The following KANSL1L variants were observed in gnomAD, a reference collection of about 807,000 sequenced individuals.
The protein encoded by KANSL1L is KAT8 regulatory NSL complex subunit 1-like protein.
KANSL1L carries 25 observed loss-of-function variants against 108.6 expected under a neutral mutation model. The observed-to-expected ratio is 0.23, with a 90% CI of 0.17 to 0.32. The LOEUF is 0.32. KANSL1L is among the 10% of genes least tolerant of loss of function. The pLI is 1.00. For missense variants in KANSL1L, 1,137 were observed against 1,125.7 expected (o/e 1.01, Z -0.14); for synonymous variants, 405 against 395.1 (o/e 1.03, Z -0.30).
chr2:210,161,011 C>T (rs1218439908), intron 1 of KANSL1L, among the ~76,000 whole-genome samples: 4 of 134,572 alleles, frequency 3.0e-5, no homozygotes, highest in East Asian at 2.1e-4. Context: ...TTTTTTGAGA[C>T]GGAGTTTCAC....
At position 210,104,209 on chromosome 2, in the gene KANSL1L, T is replaced by G; in HGVS notation, c.1323A>C (p.Leu441=). The G allele has an allele frequency of 6.2e-7, 1 of 1,613,114 alleles. No individual in the cohort carries two copies. The highest frequency in any genetic ancestry group is 8.5e-7 in the Non-Finnish European group (1 of 1,179,108). Residue 441 remains leucine, a synonymous_variant, in exon 4 of 15, where the codon CTA becomes CTC. Coordinates refer to ENST00000281772, the MANE Select transcript of KANSL1L (RefSeq NM_152519.4). The part of the protein sequence containing the change: ...FADQAASLNI[L]GNPQVPQECQ... ...ACTCCTGGGGAACCTGAGGATTCCC[T>G]AGAATGTTTAGTGAAGCTGCTTGGT...
chr2:210,033,599 G>A (rs887228396), intron 8 of KANSL1L, among the ~76,000 whole-genome samples: 5 of 151,872 alleles, frequency 3.3e-5, no homozygotes, highest in African/African-American at 1.2e-4. Flanking sequence ...GCGCGATCTC[G>A]GCTCACTGCA....
intron 8 of KANSL1L, among the ~76,000 whole-genome samples, chr2:210,035,777 C>T (rs1378466646): frequency 1.3e-5 from 2 of 152,166 alleles, no homozygotes; most frequent in South Asian, 4.1e-4. Flanking sequence ...CTGTGCCTGG[C>T]CTTATTTATA....
At chr2:210,027,251 T>C in intron 12 of KANSL1L, 45 bp downstream of exon 12, 1 of 1,272,162 alleles carries the variant, frequency 7.9e-7, no homozygotes, top group Non-Finnish European at 1.2e-6. Flanking sequence ...GCAGGTTTCA[T>C]AATACATAAT....
intron 3 of KANSL1L, among the ~76,000 whole-genome samples, chr2:210,109,683 G>A (rs2125455192): frequency 6.6e-6 from 1 of 152,062 alleles, no homozygotes; most frequent in Middle Eastern, 3.4e-3. Flanking sequence ...CTAGGTGTAT[G>A]GCTTAATTAG....
At chr2:210,138,825 G>A (rs1462886489) in intron 2 of KANSL1L, among the ~76,000 whole-genome samples, 1 of 152,058 alleles carries the variant, frequency 6.6e-6, no homozygotes, top group African/African-American at 2.4e-5. Flanking sequence ...TTGGCCAGGT[G>A]CAGTGGCTCA....
chr2:210,134,634 G>A (rs1337412264), intron 2 of KANSL1L, among the ~76,000 whole-genome samples: 2 of 152,040 alleles, frequency 1.3e-5, no homozygotes, highest in African/African-American at 4.8e-5. Context: ...ACTACACTAA[G>A]GCAGTTATCA....
chr2:210,056,595 C>T (rs910411189), intron 6 of KANSL1L, among the ~76,000 whole-genome samples: 2 of 152,136 alleles, frequency 1.3e-5, no homozygotes, highest in Non-Finnish European at 2.9e-5. Flanking sequence ...ATTCTTGTGC[C>T]TCAGCCTCCC....
intron 6 of KANSL1L, among the ~76,000 whole-genome samples, chr2:210,049,859 G>GTCAA (rs2094270450): frequency 6.6e-6 from 1 of 152,240 alleles, no homozygotes; most frequent in African/African-American, 2.4e-5. Flanking sequence ...CTATAGGACT[G>GTCAA]ATGTCAAACA....
chr2:210,046,600 CCTT>C (rs1310554172), intron 6 of KANSL1L, among the ~76,000 whole-genome samples: 3 of 152,062 alleles, frequency 2.0e-5, no homozygotes, highest in South Asian at 2.1e-4. Flanking sequence ...TCCAGAATAA[CCTT>C]CTTCTGCTTG....
intron 2 of KANSL1L, among the ~76,000 whole-genome samples, chr2:210,130,037 A>G: frequency 6.6e-6 from 1 of 151,898 alleles, no homozygotes; most frequent in East Asian, 1.9e-4. Context: ...ACTGTAGGAC[A>G]ACAATGACTT....
At chr2:210,076,921 A>C (rs967723934) in intron 5 of KANSL1L, among the ~76,000 whole-genome samples, 1 of 152,132 alleles carries the variant, frequency 6.6e-6, no homozygotes, top group Admixed American at 6.5e-5. Context: ...ACTGCTGTTC[A>C]ATATATAAGT....
intron 1 of KANSL1L, among the ~76,000 whole-genome samples, chr2:210,166,386 T>A (rs1687963802): frequency 1.3e-5 from 2 of 152,092 alleles, no homozygotes; most frequent in African/African-American, 4.8e-5. Flanking sequence ...GGTCACATAT[T>A]TCAAAAAATT....
At chr2:210,153,337 G>C (rs888497292) in intron 2 of KANSL1L, 158 bp downstream of exon 2, 2 of 611,734 alleles carry the variant, frequency 3.3e-6, no homozygotes, top group Non-Finnish European at 5.4e-6. Context: ...CTGGGCGACA[G>C]AGCGAGACTC....
At chr2:210,159,629 T>C (rs2095351049) in intron 1 of KANSL1L, among the ~76,000 whole-genome samples, 1 of 152,244 alleles carries the variant, frequency 6.6e-6, no homozygotes, top group Non-Finnish European at 1.5e-5. Context: ...TTCAGGATTT[T>C]GGTACTCACA....
intron 2 of KANSL1L, chr2:210,153,237 C>A (rs1263524883): frequency 3.2e-6 from 1 of 310,196 alleles, no homozygotes; most frequent in Admixed American, 4.7e-5. Context: ...ACCTGTAATC[C>A]CAGCTACTCA....
At position 210,022,649 on chromosome 2, in the gene KANSL1L, A is replaced by G. The variant is rs763215103; in HGVS notation, c.*300T>C. The stretch of plus-strand genomic sequence containing the variant: ...GTATGTATGTATGGTGTGGGTACAT[A>G]GTCTTAAAAATTACCCAGTAATGTG... On this transcript the variant is annotated 3_prime_UTR_variant, in exon 15 of 15. Coordinates refer to ENST00000281772, the MANE Select transcript of KANSL1L (RefSeq NM_152519.4). The G allele has an allele frequency of 3.4e-5, 12 of 348,198 alleles. No homozygotes were observed. The highest frequency in any genetic ancestry group is 9.1e-5 in the Admixed American group (2 of 21,944). The allele number at this position is 348,198 out of a possible 1,614,324, so 21.6% of individuals were successfully genotyped here.
intron 6 of KANSL1L, among the ~76,000 whole-genome samples, chr2:210,053,085 G>C (rs956573302): frequency 2.6e-5 from 4 of 152,308 alleles, no homozygotes; most frequent in Middle Eastern, 3.4e-3. Context: ...ATATGAAAGG[G>C]AAGCATGAAT....
intron 1 of KANSL1L, among the ~76,000 whole-genome samples, chr2:210,163,860 C>G (rs1440635273): frequency 1.3e-5 from 2 of 152,046 alleles, no homozygotes; most frequent in Non-Finnish European, 2.9e-5. Context: ...TCATCGTATT[C>G]TAGAATATTT....
Sources: gnomAD v4.1 joint callset for allele counts (sites outside exome capture counted in the v4.1 genomes callset) on GRCh38, gnomAD v4.1.1 for gene constraint, MANE v1.5 for transcripts, NCBI Gene and HGNC (gene_info 2026-07-23, HGNC 2026-07-21) for gene names.